Variants in RALGAPA2 observed in about 807,000 individuals in gnomAD.
The protein encoded by RALGAPA2 is Ral GTPase activating protein catalytic subunit alpha 2.
Under a neutral mutation model 230.4 loss-of-function variants are expected in RALGAPA2, and 139 were observed. That is an observed-to-expected ratio of 0.60 (90% CI 0.53 to 0.69). The LOEUF is 0.69. RALGAPA2 is among the 30% of genes least tolerant of loss of function. The pLI is 0.00. For synonymous variants in RALGAPA2, 847 were observed against 837.8 expected, an observed-to-expected ratio of 1.01 and a Z score of -0.19; for missense variants, 2,163 against 2,276.0, an observed-to-expected ratio of 0.95 and a Z score of 1.01.
chr20:20,677,628 C>CTTTTTTTTTT (rs1568741580), intron 2 of RALGAPA2, among the ~76,000 whole-genome samples: 3 of 121,840 alleles, frequency 2.5e-5, no homozygotes, highest in African/African-American at 3.4e-5. Flanking sequence ...TGATTTGACC[C>CTTTTTTTTTT]ATTTTTTTTT....
At chr20:20,550,842 AT>A (rs2063904047) in intron 23 of RALGAPA2, among the ~76,000 whole-genome samples, 1 of 152,236 alleles carries the variant, frequency 6.6e-6, no homozygotes, top group Non-Finnish European at 1.5e-5. Context: ...CAAGTAAATA[AT>A]TATTTTTCAA....
At chr20:20,492,707 C>A (rs2062094480) in intron 36 of RALGAPA2, among the ~76,000 whole-genome samples, 1 of 152,144 alleles carries the variant, frequency 6.6e-6, no homozygotes, top group Admixed American at 6.5e-5. Context: ...TCACAGGCGG[C>A]CTTTCCCCTC....
chr20:20,626,940 G>C (rs1324656034), intron 10 of RALGAPA2, among the ~76,000 whole-genome samples: 2 of 152,140 alleles, frequency 1.3e-5, no homozygotes, highest in African/African-American at 4.8e-5. Flanking sequence ...AAAGTGTGCT[G>C]ACCCCTGCTA....
intron 23 of RALGAPA2, among the ~76,000 whole-genome samples, chr20:20,559,668 CT>C (rs11480278): frequency 2.0e-5 from 3 of 150,948 alleles, no homozygotes; most frequent in African/African-American, 4.9e-5. Context: ...CTAAAAACAA[CT>C]TTTTTTTTAA....
intron 37 of RALGAPA2, among the ~76,000 whole-genome samples, chr20:20,459,256 T>C (rs2061244145): frequency 6.6e-6 from 1 of 152,188 alleles, no homozygotes; most frequent in Admixed American, 6.5e-5. Flanking sequence ...TTTTACACTA[T>C]TGAATATAAA....
chr20:20,486,228 T>G (rs777461641), intron 36 of RALGAPA2, among the ~76,000 whole-genome samples: 1 of 151,994 alleles, frequency 6.6e-6, no homozygotes, highest in African/African-American at 2.4e-5. Flanking sequence ...TCCATCTTTA[T>G]GACTTCTATA....
intron 13 of RALGAPA2, among the ~76,000 whole-genome samples, chr20:20,615,319 C>G (rs2146311642): frequency 6.6e-6 from 1 of 152,160 alleles, no homozygotes; most frequent in South Asian, 2.1e-4. Flanking sequence ...TGCCACCACA[C>G]CTGGCTAATT....
intron 16 of RALGAPA2, among the ~76,000 whole-genome samples, chr20:20,596,348 T>A (rs1327455998): frequency 1.3e-5 from 2 of 152,212 alleles, no homozygotes; most frequent in African/African-American, 4.8e-5. Flanking sequence ...TAAACAAAAT[T>A]AGCAATCATG....
chr20:20,657,771 A>G (rs1418029103), intron 3 of RALGAPA2, among the ~76,000 whole-genome samples: 1 of 152,184 alleles, frequency 6.6e-6, no homozygotes, highest in East Asian at 1.9e-4. Context: ...TCATATTCTG[A>G]TCCCATCTTG....
chr20:20,516,955 G>A (rs1044463821), intron 31 of RALGAPA2, among the ~76,000 whole-genome samples: 11 of 152,186 alleles, frequency 7.2e-5, no homozygotes, highest in Non-Finnish European at 1.6e-4. Flanking sequence ...GCAGTGCTGG[G>A]TGCAACAGGG....
At position 20,635,510 on chromosome 20, in the gene RALGAPA2, T is replaced by A. The variant is rs1185023376; in HGVS notation, c.913A>T (p.Lys305Ter). 1.9e-6 allele frequency: 3 copies of A among 1,595,890 alleles called. No individual in the cohort carries two copies. Among genetic ancestry groups the A allele is most frequent in the Non-Finnish European group, 2.6e-6 (3 of 1,172,910 alleles). Residue 305 changes from lysine to a stop codon, truncating the protein, a stop_gained, in exon 9 of 40, where the codon AAG (lysine) becomes TAG (stop). Coordinates refer to ENST00000202677, the MANE Select transcript of RALGAPA2 (RefSeq NM_020343.4). LOFTEE classifies it high-confidence loss of function. ...PYMAARVVFI[K>*]WIVTFFLEKK... ...TCCAAAAAGAAGGTTACAATCCACT[T>A]AATAAAAACAACACGAGCTGCCATA...
rs1021672396 is a variant in RALGAPA2, at chr20:20,513,341, A to T, written c.4085-57T>A. ...CAGTGGTGAATGAAGATTAAAACTC[A>T]ACACCTTTTTTTTGGGTGGGGGGCA... On this transcript the variant is annotated intron_variant, in intron 31 of 39. Transcript: ENST00000202677. 4.6e-6 allele frequency: 6 copies of T among 1,292,290 alleles called. No homozygotes were observed. In the Admixed American group the frequency reaches 2.0e-4, roughly 42 times the overall value. 80.1% of individuals were successfully genotyped at this position (1,292,290 alleles called of 1,614,324 possible).
chr20:20,645,034 G>T (rs543862146), intron 4 of RALGAPA2, among the ~76,000 whole-genome samples: 8 of 150,808 alleles, frequency 5.3e-5, no homozygotes, highest in Admixed American at 2.0e-4. Flanking sequence ...TGGTCATTGT[G>T]TGTGAGCATT....
intron 25 of RALGAPA2, among the ~76,000 whole-genome samples, chr20:20,536,407 G>A (rs557378491): frequency 1.5e-4 from 23 of 152,214 alleles, no homozygotes; most frequent in Non-Finnish European, 3.4e-4. Flanking sequence ...ATGATCCTTA[G>A]GTCCAATAAA....
intron 4 of RALGAPA2, among the ~76,000 whole-genome samples, chr20:20,649,782 A>C (rs2067333686): frequency 6.6e-6 from 1 of 152,174 alleles, no homozygotes; most frequent in Non-Finnish European, 1.5e-5. Context: ...CATATAACTT[A>C]AGTCCTGTGT....
chr20:20,695,479 G>A (rs1053968821), intron 1 of RALGAPA2, among the ~76,000 whole-genome samples: 1 of 152,178 alleles, frequency 6.6e-6, no homozygotes, highest in East Asian at 1.9e-4. Context: ...CCAAGACCTG[G>A]GAGCCTTAGT....
intron 24 of RALGAPA2, among the ~76,000 whole-genome samples, chr20:20,537,071 G>T (rs1602695039): frequency 1.3e-5 from 2 of 152,278 alleles, no homozygotes; most frequent in East Asian, 3.9e-4. Flanking sequence ...TGTTTACATT[G>T]TTTTACTGCT....
rs1234781954 is a variant in RALGAPA2 at position 20,591,303 on chromosome 20, A to C, written c.2215T>G (p.Cys739Gly). Reference protein sequence around the residue: ...VRQKATEVEECQQSENAPAAG... With the variant: ...VRQKATEVEEGQQSENAPAAG... Reference sequence around the variant, plus strand: ...GCAGGTGCATTTTCTGACTGTTGACACTCCTCCACTTCTGTGAGCATTAAC... The same window carrying C: ...GCAGGTGCATTTTCTGACTGTTGACCCTCCTCCACTTCTGTGAGCATTAAC... Residue 739 changes from cysteine to glycine, a missense_variant, in exon 17 of 40, where the codon TGT (cysteine) becomes GGT (glycine). By Grantham distance (159) the Cys-to-Gly change is radical. Coordinates refer to ENST00000202677, the MANE Select transcript of RALGAPA2 (RefSeq NM_020343.4). The C allele has an allele frequency of 6.2e-7, 1 of 1,613,494 alleles. No homozygotes were observed. The highest frequency in any genetic ancestry group is 8.5e-7 in the Non-Finnish European group (1 of 1,179,656).
chr20:20,394,993 T>C (rs1176296417), intron 39 of RALGAPA2, among the ~76,000 whole-genome samples: 1 of 152,084 alleles, frequency 6.6e-6, no homozygotes, highest in Non-Finnish European at 1.5e-5. Context: ...GAAAACATTT[T>C]AGTTCCTCTG....
Sources: allele counts gnomAD v4.1 joint callset (sites outside exome capture counted in the v4.1 genomes callset), GRCh38; gene constraint gnomAD v4.1.1; transcripts MANE v1.5; gene names NCBI Gene and HGNC (gene_info 2026-07-23, HGNC 2026-07-21).